Variants in PCDHGB5 observed in about 807,000 individuals in gnomAD.
PCDHGB5 encodes protocadherin gamma-B5.
A neutral mutation model predicts 62.9 loss-of-function variants in PCDHGB5; 48 were observed. The ratio of observed to expected loss-of-function variants is 0.76; its 90% confidence interval spans 0.61 to 0.97. PCDHGB5 has a LOEUF of 0.97. PCDHGB5 is among the 50% of genes least tolerant of loss of function. PCDHGB5 has a pLI of 0.00. For missense variants in PCDHGB5, 1,118 were observed against 1,198.6 expected (o/e 0.93, Z 0.99); for synonymous variants, 474 against 511.2 (o/e 0.93, Z 0.98).
intron 1 of PCDHGB5, among the ~76,000 whole-genome samples, chr5:141,452,761 G>A (rs1291983570): frequency 6.6e-6 from 1 of 152,036 alleles, no homozygotes; most frequent in East Asian, 1.9e-4. Flanking sequence ...AGGAAGGGAG[G>A]GAGGGAAAAC....
chr5:141,410,251 C>A (rs2095372140), intron 1 of PCDHGB5: 5 of 1,613,898 alleles, frequency 3.1e-6, no homozygotes, highest in African/African-American at 1.3e-5. Context: ...TACTCTCTGA[C>A]CCCCAGGCTG....
chr5:141,421,404 G>A, intron 1 of PCDHGB5: 17 of 1,614,080 alleles, frequency 1.1e-5, no homozygotes, highest in Non-Finnish European at 1.4e-5. Flanking sequence ...AGCCCCGGGA[G>A]CTGGCGAAGC....
intron 1 of PCDHGB5, chr5:141,427,833 G>T (rs1345567011): frequency 6.5e-7 from 1 of 1,540,964 alleles, no homozygotes; most frequent in Non-Finnish European, 8.9e-7. Flanking sequence ...CGCGCAGCGT[G>T]CCTTCGACCA....
chr5:141,422,472 G>T, intron 1 of PCDHGB5: 2 of 1,613,680 alleles, frequency 1.2e-6, no homozygotes, highest in Non-Finnish European at 1.7e-6. Flanking sequence ...ACAGGGAGTT[G>T]GTCCAGAGCT....
intron 1 of PCDHGB5, chr5:141,430,951 C>T (rs200771871): frequency 3.2e-5 from 51 of 1,610,496 alleles, no homozygotes; most frequent in African/African-American, 1.5e-4. Context: ...AGCGCGGAGT[C>T]CGCATCATCC....
At chr5:141,418,460 G>A in intron 1 of PCDHGB5, 1 of 1,613,992 alleles carries the variant, frequency 6.2e-7, no homozygotes, top group Non-Finnish European at 8.5e-7. Context: ...GAAGACTCTG[G>A]ACCGAGAAAC....
intron 1 of PCDHGB5, among the ~76,000 whole-genome samples, chr5:141,481,693 C>T (rs755007426): frequency 1.8e-4 from 27 of 152,020 alleles, no homozygotes; most frequent in Admixed American, 7.9e-4. Context: ...GTGGCTCACG[C>T]CTGTAATCCC....
At chr5:141,460,909 G>A (rs1473458228) in intron 1 of PCDHGB5, among the ~76,000 whole-genome samples, 4 of 123,246 alleles carry the variant, frequency 3.2e-5, no homozygotes, top group Non-Finnish European at 6.6e-5. Context: ...AATATTCCAT[G>A]GTGTATATAT....
At chr5:141,407,985 A>C in intron 1 of PCDHGB5, 6 of 789,616 alleles carry the variant, frequency 7.6e-6, no homozygotes, top group Non-Finnish European at 1.1e-5. Flanking sequence ...GGGATCCGTC[A>C]GCCTCTGGCC....
chr5:141,433,047 C>T (rs1561867159), intron 1 of PCDHGB5: 1 of 1,614,046 alleles, frequency 6.2e-7, no homozygotes, highest in African/African-American at 1.3e-5. Flanking sequence ...ACCACGGACT[C>T]GCGGAAGAGT....
intron 1 of PCDHGB5, among the ~76,000 whole-genome samples, chr5:141,443,210 G>A (rs142248407): frequency 3.2e-4 from 49 of 151,888 alleles, no homozygotes; most frequent in African/African-American, 9.4e-4. Context: ...AGCTTGTCTC[G>A]CCAGGCGCAT....
At chr5:141,495,571 C>T (rs1031548699) in intron 2 of PCDHGB5, among the ~76,000 whole-genome samples, 1 of 152,198 alleles carries the variant, frequency 6.6e-6, no homozygotes, top group African/African-American at 2.4e-5. Flanking sequence ...TCTGCCTCTC[C>T]CTCTCTTCTC....
intron 1 of PCDHGB5, among the ~76,000 whole-genome samples, chr5:141,433,395 CTATCTA>C (rs1561869588): frequency 2.0e-5 from 3 of 150,654 alleles, no homozygotes; most frequent in African/African-American, 7.3e-5. Flanking sequence ...ATCTATCTAT[CTATCTA>C]TCTATTACTT....
At chr5:141,400,609 A>G (rs376731583) in intron 1 of PCDHGB5, 85 bp downstream of exon 1, 129 of 1,577,604 alleles carry the variant, frequency 8.2e-5, no homozygotes, top group South Asian at 3.2e-4. Flanking sequence ...TTCAAGTCCA[A>G]TGAGTTGTCT....
rs1307583379 is a variant in PCDHGB5 at position 141,400,164 on chromosome 5, C to G, written c.2037C>G (p.Asp679Glu). ...TCACTGACCGCCCTGTACCCTCTGA[C>G]CCCCAGGCTGAGCTGCAGTTTTACC... Reference protein sequence around the residue: ...PDITDRPVPSDPQAELQFYLV... With the variant: ...PDITDRPVPSEPQAELQFYLV... The change falls in exon 1 of 4, where the codon GAC becomes GAG. Residue 679 changes from aspartate to glutamate, a missense_variant. By Grantham distance (45) the Asp-to-Glu change is conservative. Transcript: ENST00000617380. The G allele has an allele frequency of 6.2e-7, 1 of 1,614,086 alleles. No individual in the cohort carries two copies. The highest frequency in any genetic ancestry group is 1.7e-5 in the Admixed American group (1 of 60,034).
At chr5:141,470,780 T>G (rs1436746772) in intron 1 of PCDHGB5, among the ~76,000 whole-genome samples, 1 of 152,194 alleles carries the variant, frequency 6.6e-6, no homozygotes, top group Non-Finnish European at 1.5e-5. Flanking sequence ...CTTGAATTCC[T>G]GGGCTCAAGC....
intron 1 of PCDHGB5, chr5:141,410,181 T>C: frequency 6.2e-7 from 1 of 1,613,814 alleles, no homozygotes; most frequent in South Asian, 1.1e-5. Context: ...ACCGCCACGC[T>C]TCATCTGGTC....
chr5:141,494,688 A>T (rs2099756168), intron 1 of PCDHGB5, 119 bp from the exon 2 acceptor site: 1 of 1,576,254 alleles, frequency 6.3e-7, no homozygotes, highest in Non-Finnish European at 8.6e-7. Context: ...GCCCCCTCTT[A>T]GTCCGTTTTC....
chr5:141,415,603 T>C, intron 1 of PCDHGB5: 6 of 1,613,954 alleles, frequency 3.7e-6, no homozygotes, highest in Non-Finnish European at 5.1e-6. Flanking sequence ...GGATACCCCA[T>C]TGGTTCCAGT....
Sources: gnomAD v4.1 joint callset for allele counts (sites outside exome capture counted in the v4.1 genomes callset) on GRCh38, gnomAD v4.1.1 for gene constraint, MANE v1.5 for transcripts, NCBI Gene and HGNC (gene_info 2026-07-23, HGNC 2026-07-21) for gene names.